The following DTNB variants were observed in gnomAD, a reference collection of about 807,000 sequenced individuals.
DTNB encodes dystrobrevin beta.
DTNB carries 63 observed loss-of-function variants against 90.7 expected under a neutral mutation model. The ratio of observed to expected loss-of-function variants is 0.69; its 90% CI spans 0.57 to 0.86. The LOEUF is 0.86. Among genes scored for constraint, DTNB ranks in the 40% least tolerant of loss-of-function variants. The pLI, the probability that DTNB is intolerant of heterozygous loss-of-function variation, is 0.00. For synonymous variants in DTNB, 277 were observed against 286.7 expected, an observed-to-expected ratio of 0.97 and a Z score of 0.34; for missense variants, 744 against 807.1, an observed-to-expected ratio of 0.92 and a Z score of 0.95.
At chr2:25,636,821 T>C (rs914360868) in intron 3 of DTNB, among the ~76,000 whole-genome samples, 32 of 151,984 alleles carry the variant, frequency 2.1e-4, no homozygotes, top group African/African-American at 7.5e-4. Flanking sequence ...GAAGCATTAA[T>C]GGGTAACAAC....
At chr2:25,435,285 T>C (rs979545947) in intron 12 of DTNB, among the ~76,000 whole-genome samples, 2 of 152,214 alleles carry the variant, frequency 1.3e-5, no homozygotes, top group African/African-American at 4.8e-5. Flanking sequence ...CCTCCCAAAG[T>C]CCTGGGATTA....
chr2:25,500,903 C>CAA (rs755671611), intron 9 of DTNB, among the ~76,000 whole-genome samples: 14 of 152,344 alleles, frequency 9.2e-5, no homozygotes, highest in South Asian at 8.3e-4. Flanking sequence ...TCTCAGCGGC[C>CAA]ATGAGCCACA....
intron 3 of DTNB, 139 bp from the exon 4 acceptor site, chr2:25,628,523 T>C (rs918541915): frequency 3.6e-6 from 3 of 831,336 alleles, no homozygotes; most frequent in Admixed American, 2.9e-5. Flanking sequence ...AAACATTCTG[T>C]GGTCAAATAA....
chr2:25,580,625 T>C (rs1482801879), intron 7 of DTNB, 96 bp downstream of exon 7: 2 of 1,177,712 alleles, frequency 1.7e-6, no homozygotes, highest in Non-Finnish European at 2.5e-6. Flanking sequence ...ATGTCAACTG[T>C]AATTTTCAAT....
At chr2:25,400,928 C>T (rs937390774) in intron 16 of DTNB, among the ~76,000 whole-genome samples, 1 of 152,154 alleles carries the variant, frequency 6.6e-6, no homozygotes, top group African/African-American at 2.4e-5. Context: ...TCTTCATTTT[C>T]AAATCAGCAA....
At chr2:25,595,258 G>A (rs1432443546) in intron 6 of DTNB, 1 of 152,070 alleles carries the variant, frequency 6.6e-6, no homozygotes, top group Non-Finnish European at 1.5e-5. Flanking sequence ...TTGGTAAAGT[G>A]ATATCTGATC....
intron 10 of DTNB, among the ~76,000 whole-genome samples, chr2:25,462,844 C>T (rs2061207391): frequency 6.6e-6 from 1 of 152,150 alleles, no homozygotes. Context: ...GCTGGGACTA[C>T]AGGCGCCCGC....
At chr2:25,541,375 G>A in intron 8 of DTNB, among the ~76,000 whole-genome samples, 1 of 152,062 alleles carries the variant, frequency 6.6e-6, no homozygotes, top group African/African-American at 2.4e-5. Flanking sequence ...CCAGCTACTT[G>A]GGAGGCTGAG....
At chr2:25,512,135 C>G (rs555131658) in intron 9 of DTNB, among the ~76,000 whole-genome samples, 36 of 152,244 alleles carry the variant, frequency 2.4e-4, no homozygotes, top group African/African-American at 8.4e-4. Context: ...AAAGGAGATG[C>G]CTTATTCCAA....
intron 8 of DTNB, among the ~76,000 whole-genome samples, chr2:25,553,522 G>A (rs2151126903): frequency 1.3e-5 from 2 of 152,050 alleles, no homozygotes; most frequent in South Asian, 4.2e-4. Flanking sequence ...TAGATCACCT[G>A]AGGTCAGGAG....
At chr2:25,517,691 C>T (rs1227177512) in intron 9 of DTNB, among the ~76,000 whole-genome samples, 3 of 152,118 alleles carry the variant, frequency 2.0e-5, no homozygotes, top group African/African-American at 7.2e-5. Context: ...GGAATACATA[C>T]AAAAGAACTG....
chr2:25,549,716 A>G (rs982814094), intron 8 of DTNB, among the ~76,000 whole-genome samples: 4 of 152,150 alleles, frequency 2.6e-5, no homozygotes, highest in Non-Finnish European at 5.9e-5. Flanking sequence ...TTCTTACTGC[A>G]GTGGAGTAAT....
chr2:25,602,908 G>A (rs2066210223), intron 5 of DTNB, among the ~76,000 whole-genome samples: 1 of 152,100 alleles, frequency 6.6e-6, no homozygotes, highest in African/African-American at 2.4e-5. Context: ...ATTTAACTGA[G>A]TTCTCACTTT....
chr2:25,437,839 A>G (rs1008959088), intron 12 of DTNB, among the ~76,000 whole-genome samples: 3 of 152,220 alleles, frequency 2.0e-5, no homozygotes, highest in African/African-American at 7.2e-5. Flanking sequence ...TCTACCAGTT[A>G]GGGATGTTCT....
intron 18 of DTNB, among the ~76,000 whole-genome samples, chr2:25,384,888 T>TC (rs2039016993): frequency 1.3e-5 from 2 of 152,060 alleles, no homozygotes; most frequent in Admixed American, 6.5e-5. Context: ...TCTTTTCTTT[T>TC]TTTTTTTTTG....
rs1409232147 is a variant in DTNB, at chr2:25,628,263, ATAG to A, written c.267_269del (p.Tyr90del). ...TAGAAGGAAGGCGCTTGTTCAACTG[ATAG>A]TAGATGGAGGAGATGACAGTTTCGA... On this transcript the variant is annotated inframe_deletion, in exon 4 of 21. Coordinates refer to ENST00000406818, the MANE Select transcript of DTNB (RefSeq NM_021907.5). 6.2e-7 allele frequency: 1 copy of A among 1,613,432 alleles called. No individual in the cohort carries two copies. The highest frequency in any genetic ancestry group is 8.5e-7 in the Non-Finnish European group (1 of 1,179,834).
chr2:25,552,704 ATTACT>A (rs1050445972), intron 8 of DTNB, among the ~76,000 whole-genome samples: 106 of 152,212 alleles, frequency 7.0e-4, no homozygotes, highest in African/African-American at 2.6e-3. Context: ...GTACTTACAG[ATTACT>A]TTAAAAATTC....
At chr2:25,609,912 TAC>T (rs762809115) in intron 4 of DTNB, among the ~76,000 whole-genome samples, 15 of 152,102 alleles carry the variant, frequency 9.9e-5, no homozygotes, top group Non-Finnish European at 1.9e-4. Context: ...TGCATTCACA[TAC>T]ACAAAATAGA....
At chr2:25,500,617 T>C (rs1326718918) in intron 9 of DTNB, among the ~76,000 whole-genome samples, 1 of 152,060 alleles carries the variant, frequency 6.6e-6, no homozygotes, top group Non-Finnish European at 1.5e-5. Context: ...CACAGAGACC[T>C]TGGGAGACAG....
Sources: gnomAD v4.1 joint callset for allele counts (sites outside exome capture counted in the v4.1 genomes callset) on GRCh38, gnomAD v4.1.1 for gene constraint, MANE v1.5 for transcripts, NCBI Gene and HGNC (gene_info 2026-07-23, HGNC 2026-07-21) for gene names.